The following ANKIB1 variants were observed in gnomAD, a reference collection of about 807,000 sequenced individuals.
ANKIB1 encodes ankyrin repeat and IBR domain-containing protein 1.
ANKIB1 carries 43 observed loss-of-function variants against 122.1 expected under a neutral mutation model. The observed-to-expected ratio is 0.35, with a 90% CI of 0.28 to 0.45. ANKIB1 has a LOEUF of 0.45. ANKIB1 is among the 20% of genes least tolerant of loss of function. The pLI is 1.00. For synonymous variants in ANKIB1, 390 were observed against 442.0 expected, an observed-to-expected ratio of 0.88 and a Z score of 1.48; for missense variants, 992 against 1,329.5, an observed-to-expected ratio of 0.75 and a Z score of 3.95.
chr7:92,258,099 T>C (rs1262523265), intron 1 of ANKIB1, among the ~76,000 whole-genome samples: 1 of 152,156 alleles, frequency 6.6e-6, no homozygotes, highest in Non-Finnish European at 1.5e-5. Context: ...ACTTTTCTTA[T>C]AAAATAGGAA....
chr7:92,357,797 T>C (rs1320636202), intron 9 of ANKIB1, among the ~76,000 whole-genome samples: 3 of 152,024 alleles, frequency 2.0e-5, no homozygotes, highest in African/African-American at 7.2e-5. Context: ...TCTAGCATCT[T>C]CACTACTTTT....
At chr7:92,250,010 G>A (rs563647391) in intron 1 of ANKIB1, among the ~76,000 whole-genome samples, 9 of 152,120 alleles carry the variant, frequency 5.9e-5, no homozygotes, top group East Asian at 1.9e-4. Flanking sequence ...AGAAGCTGTC[G>A]TACAGTCATT....
intron 1 of ANKIB1, among the ~76,000 whole-genome samples, chr7:92,293,749 T>G (rs375637219): frequency 2.6e-5 from 4 of 152,356 alleles, no homozygotes; most frequent in East Asian, 3.9e-4. Flanking sequence ...GTTAATCTAA[T>G]GCTAGAGACT....
intron 1 of ANKIB1, among the ~76,000 whole-genome samples, chr7:92,250,204 A>AC (rs1562759236): frequency 6.6e-6 from 1 of 151,944 alleles, no homozygotes; most frequent in Admixed American, 6.6e-5. Context: ...GACCAGCCTG[A>AC]CCAACATAGA....
intron 11 of ANKIB1, among the ~76,000 whole-genome samples, chr7:92,381,875 A>T (rs1804523474): frequency 6.6e-6 from 1 of 152,222 alleles, no homozygotes; most frequent in Non-Finnish European, 1.5e-5. Flanking sequence ...TGACAAGATC[A>T]AATTCACACA....
chr7:92,373,691 A>G (rs1804321592), intron 11 of ANKIB1, among the ~76,000 whole-genome samples: 1 of 152,188 alleles, frequency 6.6e-6, no homozygotes, highest in Admixed American at 6.5e-5. Context: ...GGTCATGTGT[A>G]ATTGAATCCA....
chr7:92,295,145 A>G lies in ANKIB1; in HGVS notation c.167A>G (p.His56Arg). The change falls in exon 2 of 20, where the codon CAT becomes CGT. Residue 56 changes from histidine to arginine, a missense_variant. Transcript: ENST00000265742. ...HNTPLHYAAR[H>R]GMNKILGTFL... is the part of the protein sequence containing the mutation. ...ACTCCATTACATTATGCTGCTAGAC[A>G]TGGAATGAATAAAATATTAGGGTAA... 1 of 1,555,066 alleles carries G rather than the reference A, an allele frequency of 6.4e-7. No homozygotes were observed. Among genetic ancestry groups the G allele is most frequent in the Non-Finnish European group, 8.7e-7 (1 of 1,148,590 alleles).
At chr7:92,396,326 G>C in intron 17 of ANKIB1, 39 bp from the exon 18 acceptor site, 1 of 1,111,788 alleles carries the variant, frequency 9.0e-7, no homozygotes, top group South Asian at 1.4e-5. Flanking sequence ...TTTAAAAATT[G>C]CATGCTCTCT....
At chr7:92,307,976 C>T (rs1802602477) in intron 3 of ANKIB1, among the ~76,000 whole-genome samples, 1 of 151,486 alleles carries the variant, frequency 6.6e-6, no homozygotes, top group African/African-American at 2.4e-5. Flanking sequence ...ACAATTAGCC[C>T]AGCTAATTTT....
chr7:92,256,848 G>A (rs369425685), intron 1 of ANKIB1, among the ~76,000 whole-genome samples: 1 of 152,198 alleles, frequency 6.6e-6, no homozygotes, highest in African/African-American at 2.4e-5. Flanking sequence ...GGTAGTCTCT[G>A]TTGGATGGAA....
chr7:92,279,973 C>T (rs1235487530), intron 1 of ANKIB1, among the ~76,000 whole-genome samples: 1 of 152,150 alleles, frequency 6.6e-6, no homozygotes, highest in Non-Finnish European at 1.5e-5. Flanking sequence ...TAAATAAAAA[C>T]TGGTTTTTAA....
At chr7:92,319,083 T>G (rs1802851411) in intron 3 of ANKIB1, among the ~76,000 whole-genome samples, 1 of 152,134 alleles carries the variant, frequency 6.6e-6, no homozygotes, top group South Asian at 2.1e-4. Context: ...AAATTGGTTT[T>G]GGGTTTTTTT....
intron 1 of ANKIB1, among the ~76,000 whole-genome samples, chr7:92,257,970 A>G (rs764267234): frequency 1.3e-5 from 2 of 152,160 alleles, no homozygotes; most frequent in Non-Finnish European, 2.9e-5. Flanking sequence ...TCTTACCTGT[A>G]TGTTGATGCA....
In ANKIB1 at chr7:92,396,347, A is replaced by G. The variant is rs1217557653; in HGVS notation, c.2284-18A>G. The G allele has an allele frequency of 1.5e-6, 2 of 1,361,902 alleles. No individual in the cohort carries two copies. Among genetic ancestry groups the G allele is most frequent in the Admixed American group, 1.9e-5 (1 of 51,852 alleles). 84.4% of individuals were successfully genotyped at this position (1,361,902 alleles called of 1,614,324 possible). ...AATTGCATGCTCTCTTGTATTTTATAACCTTTGGTTTATGCAGGAATATGC... is the reference window on the plus strand; with the variant it reads ...AATTGCATGCTCTCTTGTATTTTATGACCTTTGGTTTATGCAGGAATATGC... On this transcript the variant is annotated intron_variant, in intron 17 of 19. Coordinates refer to ENST00000265742, the MANE Select transcript of ANKIB1 (RefSeq NM_019004.2).
At chr7:92,313,362 A>G (rs1802730803) in intron 3 of ANKIB1, among the ~76,000 whole-genome samples, 2 of 152,210 alleles carry the variant, frequency 1.3e-5, no homozygotes, top group Admixed American at 1.3e-4. Flanking sequence ...AGACTGAAGA[A>G]TATTACCTAA....
chr7:92,297,262 G>C (rs1251703465), intron 2 of ANKIB1, among the ~76,000 whole-genome samples: 2 of 152,176 alleles, frequency 1.3e-5, no homozygotes, highest in Non-Finnish European at 2.9e-5. Context: ...CTTAACCACT[G>C]TACTGACAGC....
At chr7:92,346,496 A>G (rs1041611799) in intron 7 of ANKIB1, among the ~76,000 whole-genome samples, 5 of 152,214 alleles carry the variant, frequency 3.3e-5, no homozygotes, top group African/African-American at 7.2e-5. Flanking sequence ...TTTTTAAGTC[A>G]GAATATCTGG....
chr7:92,345,818 G>A (rs1263743322), intron 7 of ANKIB1, among the ~76,000 whole-genome samples: 3 of 151,522 alleles, frequency 2.0e-5, no homozygotes, highest in Admixed American at 1.3e-4. Context: ...TTTAAATAGA[G>A]TATCAGTTAG....
chr7:92,397,604 C>T (rs1804927674), intron 18 of ANKIB1, 119 bp from the exon 19 acceptor site: 2 of 1,065,198 alleles, frequency 1.9e-6, no homozygotes, highest in African/African-American at 1.6e-5. Flanking sequence ...AACATGTCAA[C>T]ACAGGTTTTC....
Sources: gnomAD v4.1 joint callset for allele counts (sites outside exome capture counted in the v4.1 genomes callset) on GRCh38, gnomAD v4.1.1 for gene constraint, MANE v1.5 for transcripts, NCBI Gene and HGNC (gene_info 2026-07-23, HGNC 2026-07-21) for gene names.